SRGAP3: variants seen among roughly 807,000 people sequenced by gnomAD.
SRGAP3 encodes the protein SLIT-ROBO Rho GTPase activating protein 3.
SRGAP3 carries 39 observed loss-of-function variants against 121.1 expected under a neutral mutation model. The observed-to-expected ratio is 0.32, with a 90% CI of 0.25 to 0.42. SRGAP3 has a LOEUF of 0.42. SRGAP3 is among the 10% of genes least tolerant of loss of function. The pLI is 1.00. For missense variants in SRGAP3, 1,213 were observed against 1,470.6 expected (o/e 0.82, Z 2.86); for synonymous variants, 601 against 570.0 (o/e 1.05, Z -0.77).
chr3:9,026,204 C>T (rs1376455990), intron 13 of SRGAP3, among the ~76,000 whole-genome samples: 2 of 152,202 alleles, frequency 1.3e-5, no homozygotes, highest in Non-Finnish European at 2.9e-5. Flanking sequence ...CTCTCCTCAC[C>T]GCCTTAGCCA....
At chr3:9,023,117 G>A (rs758345542) in intron 14 of SRGAP3, among the ~76,000 whole-genome samples, 2 of 152,208 alleles carry the variant, frequency 1.3e-5, no homozygotes, top group South Asian at 2.1e-4. Flanking sequence ...GGAAATGCCA[G>A]GCAAAGTGGT....
chr3:9,185,854 G>A (rs115815746), intron 1 of SRGAP3, among the ~76,000 whole-genome samples: 5,272 of 152,204 alleles, frequency 0.035, 334 homozygotes, highest in African/African-American at 0.12. Flanking sequence ...CTTGATGTAC[G>A]AGATTAGAGG....
At chr3:9,327,336 T>C (rs1225719209) in intron 2 of SRGAP3, among the ~76,000 whole-genome samples, 1 of 150,578 alleles carries the variant, frequency 6.6e-6, no homozygotes, top group East Asian at 1.9e-4. Context: ...CTCTTACAAT[T>C]AATGTTCTAT....
intron 1 of SRGAP3, among the ~76,000 whole-genome samples, chr3:9,244,563 A>G (rs1953758005): frequency 6.6e-6 from 1 of 152,252 alleles, no homozygotes; most frequent in Non-Finnish European, 1.5e-5. Flanking sequence ...AAGATGAATT[A>G]GAGCCCCAGG....
At chr3:9,138,219 A>G (rs1028151014) in intron 1 of SRGAP3, among the ~76,000 whole-genome samples, 11 of 152,190 alleles carry the variant, frequency 7.2e-5, no homozygotes, top group African/African-American at 2.7e-4. Flanking sequence ...TTTGTCTAAT[A>G]TATTTCTTTA....
chr3:9,103,587 G>A (rs968755173), intron 3 of SRGAP3, among the ~76,000 whole-genome samples: 18 of 152,156 alleles, frequency 1.2e-4, no homozygotes, highest in Admixed American at 8.5e-4. Context: ...TGGACCCAGA[G>A]GCCACATCCC....
At chr3:9,091,726 G>C (rs939962011) in intron 3 of SRGAP3, among the ~76,000 whole-genome samples, 2 of 152,084 alleles carry the variant, frequency 1.3e-5, no homozygotes, top group African/African-American at 2.4e-5. Context: ...CCGGGCTATC[G>C]GCTCTCCATC....
chr3:9,165,646 G>C (rs1435389295), intron 1 of SRGAP3, among the ~76,000 whole-genome samples: 1 of 152,092 alleles, frequency 6.6e-6, no homozygotes, highest in African/African-American at 2.4e-5. Flanking sequence ...CACAAGGCCT[G>C]CATGCTTGTC....
intron 11 of SRGAP3, chr3:9,036,373 T>TA (rs1324984210): frequency 6.6e-6 from 1 of 152,244 alleles, no homozygotes; most frequent in Non-Finnish European, 1.5e-5. Context: ...TTTAGTTTAC[T>TA]AACAAAGTTG....
At chr3:9,288,577 T>C (rs889433274) in intron 3 of SRGAP3, among the ~76,000 whole-genome samples, 1 of 145,616 alleles carries the variant, frequency 6.9e-6, no homozygotes, top group Non-Finnish European at 1.5e-5. Context: ...AAATTCACTT[T>C]GTCTTTTTTT....
At chr3:9,011,393 C>A (rs1454225435) in intron 17 of SRGAP3, among the ~76,000 whole-genome samples, 2 of 152,220 alleles carry the variant, frequency 1.3e-5, no homozygotes, top group African/African-American at 4.8e-5. Flanking sequence ...CAGGACCAAA[C>A]TCAATGGCTT....
chr3:8,992,693 C>T (rs924027730), intron 20 of SRGAP3: 1 of 665,686 alleles, frequency 1.5e-6, no homozygotes, highest in South Asian at 1.8e-5. Flanking sequence ...ACATGTCTTT[C>T]CTCCTCCTCC....
intron 6 of SRGAP3, chr3:9,059,725 C>T (rs1349728005): frequency 9.5e-6 from 2 of 209,828 alleles, no homozygotes; most frequent in Non-Finnish European, 9.7e-6. Flanking sequence ...TTAAGCTGCC[C>T]GATTTCTCCC....
At chr3:9,143,234 T>C (rs1949919554) in intron 1 of SRGAP3, among the ~76,000 whole-genome samples, 1 of 152,172 alleles carries the variant, frequency 6.6e-6, no homozygotes, top group African/African-American at 2.4e-5. Flanking sequence ...TGGGCCAAGG[T>C]GCCCACTACC....
chr3:9,238,208 G>A (rs1953485079), intron 1 of SRGAP3, among the ~76,000 whole-genome samples: 1 of 152,182 alleles, frequency 6.6e-6, no homozygotes, highest in South Asian at 2.1e-4. Context: ...AAGAGGTAAT[G>A]GCAGGCTAGG....
chr3:9,005,010 T>C (rs1447215280), intron 18 of SRGAP3, among the ~76,000 whole-genome samples: 2 of 152,244 alleles, frequency 1.3e-5, no homozygotes, highest in African/African-American at 4.8e-5. Context: ...TTGGAAATTG[T>C]ATATCTGATA....
At chr3:9,257,763 A>G (rs1954165354) in intron 3 of SRGAP3, among the ~76,000 whole-genome samples, 1 of 124,612 alleles carries the variant, frequency 8.0e-6, no homozygotes, top group Non-Finnish European at 1.6e-5. Context: ...GGAGCACAGT[A>G]GCATGATCTT....
At chr3:9,126,595 G>A (rs908084766) in intron 1 of SRGAP3, among the ~76,000 whole-genome samples, 3 of 151,780 alleles carry the variant, frequency 2.0e-5, no homozygotes, top group African/African-American at 7.3e-5. Context: ...CAGCCTGGGC[G>A]ACAGAGCAAG....
At chr3:9,124,299 G>A (rs1949135932) in intron 2 of SRGAP3, among the ~76,000 whole-genome samples, 1 of 152,196 alleles carries the variant, frequency 6.6e-6, no homozygotes, top group South Asian at 2.1e-4. Context: ...AATTCACTGA[G>A]CTAACAAAAT....
Sources: allele counts gnomAD v4.1 joint callset (sites outside exome capture counted in the v4.1 genomes callset), GRCh38; gene constraint gnomAD v4.1.1; transcripts MANE v1.5; gene names NCBI Gene and HGNC (gene_info 2026-07-23, HGNC 2026-07-21).